Variants in ADCY5 observed in about 807,000 individuals in gnomAD.
The protein encoded by ADCY5 is adenylate cyclase 5.
In ADCY5, 30 loss-of-function variants were observed where a neutral mutation model predicts 119.7. That is an observed-to-expected ratio of 0.25 (90% confidence interval 0.19 to 0.34). The LOEUF (loss-of-function observed/expected upper bound fraction) is 0.34, where lower values mean the gene tolerates loss of function less well. ADCY5 is among the 10% of genes least tolerant of loss of function. The pLI is 1.00. For missense variants in ADCY5, 1,324 were observed against 1,775.2 expected (o/e 0.75, Z 4.57); for synonymous variants, 753 against 762.2 (o/e 0.99, Z 0.20).
chr3:123,436,257 C>T (rs1434531800), intron 1 of ADCY5, among the ~76,000 whole-genome samples: 2 of 151,910 alleles, frequency 1.3e-5, no homozygotes, highest in African/African-American at 4.8e-5. Context: ...CCTGTAGTCC[C>T]AGCTACTCAG....
At chr3:123,445,867 A>G (rs1945803775) in intron 1 of ADCY5, among the ~76,000 whole-genome samples, 1 of 152,212 alleles carries the variant, frequency 6.6e-6, no homozygotes, top group Non-Finnish European at 1.5e-5. Context: ...TTGTGCATCC[A>G]TGGAGGTTAC....
At chr3:123,349,987 C>G (rs1008828899) in intron 2 of ADCY5, among the ~76,000 whole-genome samples, 1 of 152,238 alleles carries the variant, frequency 6.6e-6, no homozygotes, top group Non-Finnish European at 1.5e-5. Context: ...CCTGACTCCT[C>G]CCTGCCCTTC....
intron 3 of ADCY5, among the ~76,000 whole-genome samples, chr3:123,336,053 G>A (rs1942011912): frequency 6.6e-6 from 1 of 152,244 alleles, no homozygotes; most frequent in Admixed American, 6.5e-5. Context: ...GTGTGCAGCT[G>A]TGGGATGGGC....
chr3:123,423,811 G>A (rs1945349773), intron 1 of ADCY5, among the ~76,000 whole-genome samples: 2 of 152,218 alleles, frequency 1.3e-5, no homozygotes, highest in African/African-American at 4.8e-5. Context: ...AGGGTGGCCA[G>A]CTCAGTGGGA....
chr3:123,315,274 G>A (rs935615373), intron 11 of ADCY5, among the ~76,000 whole-genome samples: 5 of 152,226 alleles, frequency 3.3e-5, no homozygotes, highest in African/African-American at 1.2e-4. Context: ...CTCCACAAAA[G>A]CCCGGCACTT....
At chr3:123,446,096 A>G (rs1007556756) in intron 1 of ADCY5, among the ~76,000 whole-genome samples, 1 of 152,224 alleles carries the variant, frequency 6.6e-6, no homozygotes, top group African/African-American at 2.4e-5. Context: ...GCAAAGGCCC[A>G]GAGAGCTTGT....
chr3:123,431,041 T>A (rs1025594593), intron 1 of ADCY5, among the ~76,000 whole-genome samples: 5 of 152,172 alleles, frequency 3.3e-5, no homozygotes, highest in African/African-American at 9.7e-5. Flanking sequence ...CAAACGCATA[T>A]GGGGAGTTGC....
intron 3 of ADCY5, among the ~76,000 whole-genome samples, chr3:123,346,849 T>A (rs1559825405): frequency 6.6e-6 from 1 of 152,108 alleles, no homozygotes; most frequent in African/African-American, 2.4e-5. Context: ...ATGGGAGGAT[T>A]ATCAGGCTCT....
chr3:123,289,673 A>G (rs1576523230), intron 19 of ADCY5, 77 bp downstream of exon 19: 2 of 1,527,016 alleles, frequency 1.3e-6, no homozygotes, highest in Non-Finnish European at 1.8e-6. Context: ...CGGATGCGGT[A>G]TGGGGTATGG....
intron 1 of ADCY5, among the ~76,000 whole-genome samples, chr3:123,401,892 G>T (rs145245272): frequency 1.3e-5 from 2 of 152,232 alleles, no homozygotes; most frequent in African/African-American, 4.8e-5. Flanking sequence ...ATGACTCCAC[G>T]GTGCCTGTCC....
chr3:123,439,076 C>CTTTTTTTTTTTTTTTTTTTTTTTTTTTTT lies in ADCY5; in HGVS notation c.1134+8335_1134+8336insAAAAAAAAAAAAAAAAAAAAAAAAAAAAA, dbSNP rs57503913. Among the ~76,000 whole-genome samples, 2 of 64,728 alleles carry CTTTTTTTTTTTTTTTTTTTTTTTTTTTTT rather than the reference C, an allele frequency of 3.1e-5. 1 individual carries two copies. The allele number at this position is 64,728 out of a possible 152,430, so 42.5% of individuals were successfully genotyped here. A position where few individuals can be genotyped will look rare whatever the true frequency, so the allele number is the denominator to read the frequency against. ...CCCACTGTGCCCAGACCCTAAAGTG[C>CTTTTTTTTTTTTTTTTTTTTTTTTTTTTT]TTTTTTTTTTGAGATGGAGTCTCGC... On this transcript the variant is annotated intron_variant, in intron 1 of 20. Transcript: ENST00000462833.
chr3:123,328,121 C>G (rs1229499392), intron 6 of ADCY5, among the ~76,000 whole-genome samples: 1 of 152,244 alleles, frequency 6.6e-6, no homozygotes, highest in Non-Finnish European at 1.5e-5. Context: ...GAGCCTGGCA[C>G]TCATGCCTTC....
intron 1 of ADCY5, among the ~76,000 whole-genome samples, chr3:123,395,672 G>A (rs1414290709): frequency 2.6e-5 from 4 of 151,736 alleles, no homozygotes; most frequent in Non-Finnish European, 5.9e-5. Flanking sequence ...GAGTCCAGGA[G>A]TTCAAGACTA....
At chr3:123,440,198 G>A (rs1019904352) in intron 1 of ADCY5, among the ~76,000 whole-genome samples, 1 of 152,142 alleles carries the variant, frequency 6.6e-6, no homozygotes. Flanking sequence ...TGAGGCACTG[G>A]GTCCCTCAGG....
intron 3 of ADCY5, among the ~76,000 whole-genome samples, chr3:123,336,049 A>G (rs1412707373): frequency 6.6e-6 from 1 of 152,232 alleles, no homozygotes; most frequent in African/African-American, 2.4e-5. Context: ...CAGCGTGTGC[A>G]GCTGTGGGAT....
intron 11 of ADCY5, among the ~76,000 whole-genome samples, chr3:123,317,729 T>C (rs1197352309): frequency 2.0e-5 from 3 of 147,712 alleles, no homozygotes; most frequent in Non-Finnish European, 3.0e-5. Context: ...AGCGAGACGC[T>C]GTGTCCCCAC....
chr3:123,356,455 A>C (rs1481684813), intron 1 of ADCY5, among the ~76,000 whole-genome samples: 1 of 152,226 alleles, frequency 6.6e-6, no homozygotes, highest in Non-Finnish European at 1.5e-5. Flanking sequence ...AGTCTTTTAA[A>C]AAATCGTGAT....
chr3:123,345,410 G>A (rs1380221428), intron 3 of ADCY5, among the ~76,000 whole-genome samples: 2 of 152,218 alleles, frequency 1.3e-5, no homozygotes, highest in Admixed American at 6.5e-5. Context: ...CTGAATGAGC[G>A]AAACCTGCAC....
At chr3:123,318,164 G>A in intron 10 of ADCY5, 47 bp from the exon 11 acceptor site, 1 of 1,471,034 alleles carries the variant, frequency 6.8e-7, no homozygotes, top group African/African-American at 1.4e-5. Flanking sequence ...ACCTGGCCCG[G>A]TCTGCTCCAG....
Sources: gnomAD v4.1 joint callset for allele counts (sites outside exome capture counted in the v4.1 genomes callset) on GRCh38, gnomAD v4.1.1 for gene constraint, MANE v1.5 for transcripts, NCBI Gene and HGNC (gene_info 2026-07-23, HGNC 2026-07-21) for gene names.